The following CRPPA variants were observed in gnomAD, a reference collection of about 807,000 sequenced individuals.
The protein encoded by CRPPA is CDP-L-ribitol pyrophosphorylase A, also known as D-ribitol-5-phosphate cytidylyltransferase.
In CRPPA, 43 loss-of-function variants were observed where a neutral mutation model predicts 52.0. The ratio of observed to expected loss-of-function variants is 0.83; its 90% CI spans 0.65 to 1.07. The LOEUF (loss-of-function observed/expected upper bound fraction) is 1.07, where lower values mean the gene tolerates loss of function less well. CRPPA is among the 50% of genes least tolerant of loss of function. The pLI, the probability that CRPPA is intolerant of heterozygous loss-of-function variation, is 0.00. For missense variants in CRPPA, 629 were observed against 551.7 expected (o/e 1.14, Z -1.40); for synonymous variants, 250 against 203.5 (o/e 1.23, Z -1.94).
intron 3 of CRPPA, among the ~76,000 whole-genome samples, chr7:16,362,214 A>G (rs760560603): frequency 2.2e-4 from 33 of 152,210 alleles, no homozygotes; most frequent in Non-Finnish European, 3.5e-4. Flanking sequence ...ATAACAAAAT[A>G]CCACAGACCG....
At chr7:16,360,429 C>G (rs1315492052) in intron 3 of CRPPA, among the ~76,000 whole-genome samples, 1 of 152,052 alleles carries the variant, frequency 6.6e-6, no homozygotes, top group Admixed American at 6.5e-5. Context: ...TGAAAAAGTA[C>G]AAAGTTGGAG....
chr7:16,177,278 A>G (rs1371079860), intron 9 of CRPPA, among the ~76,000 whole-genome samples: 1 of 152,166 alleles, frequency 6.6e-6, no homozygotes, highest in Non-Finnish European at 1.5e-5. Context: ...TATTCTAGAT[A>G]GGTAGATTAT....
chr7:16,420,961 C>A, intron 1 of CRPPA, 105 bp downstream of exon 1: 2 of 1,021,110 alleles, frequency 2.0e-6, no homozygotes, highest in Non-Finnish European at 2.6e-6. Flanking sequence ...CTGAGCGCGG[C>A]CCGGCAGTCC....
At chr7:16,167,240 T>C (rs1009732878) in intron 9 of CRPPA, among the ~76,000 whole-genome samples, 2 of 152,182 alleles carry the variant, frequency 1.3e-5, no homozygotes, top group Non-Finnish European at 2.9e-5. Flanking sequence ...CAAGCTACTT[T>C]CATCACCAAC....
intron 8 of CRPPA, among the ~76,000 whole-genome samples, chr7:16,250,789 C>T (rs933178040): frequency 6.6e-6 from 1 of 152,134 alleles, no homozygotes; most frequent in African/African-American, 2.4e-5. Context: ...TTGTAAAGAC[C>T]ATTGATGCTA....
chr7:16,179,646 T>C (rs1250846185), intron 9 of CRPPA, among the ~76,000 whole-genome samples: 1 of 152,090 alleles, frequency 6.6e-6, no homozygotes, highest in Non-Finnish European at 1.5e-5. Flanking sequence ...GAATGCAACC[T>C]GGCTGACACC....
rs574757728 is a variant in CRPPA, at chr7:16,349,310, A to T, written c.684+26782T>A. The stretch of plus-strand genomic sequence containing the variant: ...GTACCTTAAAATCCTTGGTCAGATG[A>T]ATTAGAAATCCTCTCACTATATGAA... On this transcript the variant is annotated intron_variant, in intron 3 of 9. Coordinates refer to ENST00000407010, the MANE Select transcript of CRPPA (RefSeq NM_001101426.4). 3.9e-5 allele frequency among the ~76,000 whole-genome samples: 6 copies of T among 152,304 alleles called. No homozygotes were observed. In the East Asian group the frequency reaches 9.7e-4, roughly 25 times the overall value.
chr7:16,349,964 A>G (rs1052841619), intron 3 of CRPPA, among the ~76,000 whole-genome samples: 2 of 152,176 alleles, frequency 1.3e-5, no homozygotes, highest in African/African-American at 4.8e-5. Flanking sequence ...TCAGAATCAG[A>G]TGGCCAAAAG....
intron 9 of CRPPA, among the ~76,000 whole-genome samples, chr7:16,212,831 T>C (rs180971659): frequency 4.6e-5 from 7 of 152,294 alleles, no homozygotes; most frequent in Admixed American, 3.9e-4. Flanking sequence ...GTTTTTCCAG[T>C]GTGGAGGGCA....
chr7:16,174,152 A>G (rs1781247228), intron 9 of CRPPA, among the ~76,000 whole-genome samples: 2 of 152,204 alleles, frequency 1.3e-5, no homozygotes. Context: ...GTATGATTCC[A>G]TTTACAAGAC....
chr7:16,285,505 A>G (rs1784405369), intron 5 of CRPPA, among the ~76,000 whole-genome samples: 1 of 152,052 alleles, frequency 6.6e-6, no homozygotes, highest in South Asian at 2.1e-4. Flanking sequence ...TTCAACATAT[A>G]CTCTGATTTA....
intron 9 of CRPPA, among the ~76,000 whole-genome samples, chr7:16,118,184 T>G (rs1348159600): frequency 6.6e-6 from 1 of 152,168 alleles, no homozygotes; most frequent in Non-Finnish European, 1.5e-5. Context: ...GGTCTCTGAA[T>G]CCAGCCAATT....
In CRPPA at chr7:16,358,641, A is replaced by G. The variant is rs934947201; in HGVS notation, c.684+17451T>C. 2.0e-5 allele frequency among the ~76,000 whole-genome samples: 3 copies of G among 152,200 alleles called. No individual in the cohort carries two copies. In the South Asian group the frequency reaches 6.2e-4, roughly 31 times the overall value. The stretch of plus-strand genomic sequence containing the variant: ...TGACTTGACACAGAATCTGAAGAAT[A>G]CTATAAGCAGAAAACTCCCACTATT... On this transcript the variant is annotated intron_variant, in intron 3 of 9. Coordinates refer to ENST00000407010, the MANE Select transcript of CRPPA (RefSeq NM_001101426.4).
chr7:16,240,319 G>A (rs1476697563), intron 8 of CRPPA, among the ~76,000 whole-genome samples: 4 of 151,512 alleles, frequency 2.6e-5, no homozygotes, highest in Non-Finnish European at 5.9e-5. Flanking sequence ...AGCAGAAAAC[G>A]CATGAAAAAA....
intron 2 of CRPPA, among the ~76,000 whole-genome samples, chr7:16,389,862 T>C (rs1250805576): frequency 8.7e-5 from 12 of 137,734 alleles, no homozygotes; most frequent in Admixed American, 7.8e-4. Flanking sequence ...GTCTTCTAAC[T>C]ATTAGAAGAA....
At chr7:16,161,234 G>T (rs1194381934) in intron 9 of CRPPA, among the ~76,000 whole-genome samples, 2 of 152,178 alleles carry the variant, frequency 1.3e-5, no homozygotes, top group East Asian at 3.9e-4. Flanking sequence ...AATAGGAGTG[G>T]TGAGAGAGGG....
At chr7:16,228,292 C>G (rs1196423393) in intron 8 of CRPPA, among the ~76,000 whole-genome samples, 1 of 151,826 alleles carries the variant, frequency 6.6e-6, no homozygotes, top group Non-Finnish European at 1.5e-5. Context: ...TCTATTCTAC[C>G]ATTTTCCCAC....
intron 3 of CRPPA, among the ~76,000 whole-genome samples, chr7:16,327,795 G>C (rs544396759): frequency 6.6e-5 from 10 of 152,116 alleles, no homozygotes; most frequent in Admixed American, 3.9e-4. Context: ...CACTGAAGGG[G>C]GAAGGAGCTC....
intron 3 of CRPPA, among the ~76,000 whole-genome samples, chr7:16,369,057 G>A (rs1169369131): frequency 6.6e-6 from 1 of 152,102 alleles, no homozygotes; most frequent in African/African-American, 2.4e-5. Flanking sequence ...CTAGAAATGA[G>A]ACTGAACAAG....
Sources: gnomAD v4.1 joint callset for allele counts (sites outside exome capture counted in the v4.1 genomes callset) on GRCh38, gnomAD v4.1.1 for gene constraint, MANE v1.5 for transcripts, NCBI Gene and HGNC (gene_info 2026-07-23, HGNC 2026-07-21) for gene names.